Variants in MKLN1 observed in about 807,000 individuals in gnomAD.
MKLN1 encodes muskelin.
Under a neutral mutation model 99.0 loss-of-function variants are expected in MKLN1, and 18 were observed. The ratio of observed to expected loss-of-function variants is 0.18; its 90% CI spans 0.13 to 0.27. MKLN1 has a LOEUF of 0.27. Among genes scored for constraint, MKLN1 ranks in the 10% least tolerant of loss-of-function variants. The pLI, the probability that MKLN1 is intolerant of heterozygous loss-of-function variation, is 1.00. For synonymous variants in MKLN1, 288 were observed against 293.2 expected (o/e 0.98, Z 0.18); for missense variants, 621 against 875.9 (o/e 0.71, Z 3.67).
At chr7:131,426,642 T>G (rs998229553) in intron 8 of MKLN1, among the ~76,000 whole-genome samples, 1 of 152,204 alleles carries the variant, frequency 6.6e-6, no homozygotes, top group African/African-American at 2.4e-5. Context: ...AGACATGTAG[T>G]CAGTTATAAT....
At chr7:131,454,437 A>G (rs1796275643) in intron 12 of MKLN1, among the ~76,000 whole-genome samples, 1 of 152,224 alleles carries the variant, frequency 6.6e-6, no homozygotes, top group African/African-American at 2.4e-5. Context: ...TTCAAGTAAA[A>G]TAATAGAAGT....
intron 3 of MKLN1, among the ~76,000 whole-genome samples, chr7:131,226,243 C>T (rs1414594400): frequency 6.6e-6 from 1 of 152,296 alleles, no homozygotes; most frequent in East Asian, 1.9e-4. Flanking sequence ...TTTATAATTG[C>T]CTCTGGTTAA....
In MKLN1 at chr7:131,171,209, A is replaced by G. The variant is rs1169832390; in HGVS notation, c.-297+28268A>G. Among the ~76,000 whole-genome samples the G allele has an allele frequency of 4.6e-5, 7 of 152,292 alleles. No individual in the cohort carries two copies. In the East Asian group the frequency reaches 1.3e-3, roughly 29 times the overall value. On this transcript the variant is annotated intron_variant, in intron 2 of 7. Transcript: ENST00000416992. Reference sequence around the variant, plus strand: ...GTTTCTGGGGAGAGAGAGGAAACTTAATATAGGTCTTGAAGAGGAGAAAGC... The same window carrying G: ...GTTTCTGGGGAGAGAGAGGAAACTTGATATAGGTCTTGAAGAGGAGAAAGC...
chr7:131,438,123 G>A, intron 10 of MKLN1, 126 bp downstream of exon 10: 1 of 712,972 alleles, frequency 1.4e-6, no homozygotes. Flanking sequence ...TCTATTGACA[G>A]TAATAATTGT....
At chr7:131,417,271 T>G (rs1416089257) in intron 8 of MKLN1, among the ~76,000 whole-genome samples, 1 of 152,190 alleles carries the variant, frequency 6.6e-6, no homozygotes, top group Non-Finnish European at 1.5e-5. Context: ...AAGCAAATAT[T>G]TCTACCAAAG....
At chr7:131,166,205 C>T (rs934967861) in intron 2 of MKLN1, among the ~76,000 whole-genome samples, 3 of 152,110 alleles carry the variant, frequency 2.0e-5, no homozygotes, top group South Asian at 2.1e-4. Context: ...CAGAGCTTGG[C>T]GACAATTGGT....
intron 1 of MKLN1, among the ~76,000 whole-genome samples, chr7:131,123,555 C>G (rs747749290): frequency 1.3e-5 from 2 of 152,140 alleles, no homozygotes; most frequent in Non-Finnish European, 2.9e-5. Context: ...TGGCCTGTGA[C>G]GAGGCAGGTG....
At chr7:131,344,464 T>C (rs933797091) in intron 1 of MKLN1, among the ~76,000 whole-genome samples, 5 of 152,248 alleles carry the variant, frequency 3.3e-5, no homozygotes, top group African/African-American at 4.8e-5. Context: ...AGTACTCTTA[T>C]GACCCAGCAA....
intron 8 of MKLN1, among the ~76,000 whole-genome samples, chr7:131,422,274 A>G (rs923248798): frequency 2.0e-5 from 3 of 152,232 alleles, no homozygotes; most frequent in African/African-American, 7.2e-5. Flanking sequence ...CTGGCCAGAC[A>G]TGGTAGCTCA....
chr7:131,445,601 C>T (rs2116519749), intron 11 of MKLN1, among the ~76,000 whole-genome samples, 173 bp from the exon 12 acceptor site: 1 of 152,206 alleles, frequency 6.6e-6, no homozygotes, highest in African/African-American at 2.4e-5. Flanking sequence ...CCTAGAGATC[C>T]CCTTTTAGCA....
At chr7:131,163,368 G>T (rs1796082205) in intron 2 of MKLN1, among the ~76,000 whole-genome samples, 1 of 152,208 alleles carries the variant, frequency 6.6e-6, no homozygotes, top group Admixed American at 6.5e-5. Flanking sequence ...ACCCACTGAG[G>T]ATCGAAGGTA....
intron 12 of MKLN1, among the ~76,000 whole-genome samples, chr7:131,458,554 A>G (rs1796417058): frequency 6.6e-6 from 1 of 152,166 alleles, no homozygotes; most frequent in Non-Finnish European, 1.5e-5. Context: ...CTAAAATGTC[A>G]TATACAAGGC....
chr7:131,364,368 C>T (rs550517110), intron 1 of MKLN1, among the ~76,000 whole-genome samples: 115 of 151,868 alleles, frequency 7.6e-4, no homozygotes, highest in Non-Finnish European at 1.4e-3. Flanking sequence ...AGATATTTCT[C>T]GAATATTGGG....
At chr7:131,222,045 A>G (rs1428465899) in intron 3 of MKLN1, among the ~76,000 whole-genome samples, 1 of 151,826 alleles carries the variant, frequency 6.6e-6, no homozygotes, top group African/African-American at 2.4e-5. Context: ...AGCTGGGACT[A>G]CAGGCATGCA....
intron 2 of MKLN1, among the ~76,000 whole-genome samples, chr7:131,144,372 C>T (rs1384606856): frequency 6.6e-6 from 1 of 151,246 alleles, no homozygotes; most frequent in African/African-American, 2.4e-5. Flanking sequence ...GTCCCAGCTA[C>T]TCGGGAGGCC....
intron 1 of MKLN1, among the ~76,000 whole-genome samples, chr7:131,348,530 GT>G (rs59281845): frequency 5.9e-4 from 85 of 144,704 alleles, no homozygotes; most frequent in Middle Eastern, 3.5e-3. Context: ...TAGTCGTTGG[GT>G]TTTTTTTTTT....
chr7:131,345,689 G>A (rs752978665), intron 1 of MKLN1, among the ~76,000 whole-genome samples: 1 of 151,980 alleles, frequency 6.6e-6, no homozygotes, highest in Non-Finnish European at 1.5e-5. Flanking sequence ...ACTCCAGCCT[G>A]GGCAATGGAA....
At chr7:131,234,982 C>G (rs1797297112) in intron 3 of MKLN1, among the ~76,000 whole-genome samples, 1 of 152,184 alleles carries the variant, frequency 6.6e-6, no homozygotes, top group African/African-American at 2.4e-5. Context: ...AGTAGGGAAC[C>G]TTTAGGTTTG....
intron 12 of MKLN1, among the ~76,000 whole-genome samples, chr7:131,454,347 T>G (rs1796273539): frequency 6.6e-6 from 1 of 152,218 alleles, no homozygotes; most frequent in South Asian, 2.1e-4. Context: ...TTAATACAGC[T>G]GAGATAAATC....
Sources: gnomAD v4.1 joint callset for allele counts (sites outside exome capture counted in the v4.1 genomes callset) on GRCh38, gnomAD v4.1.1 for gene constraint, MANE v1.5 for transcripts, NCBI Gene and HGNC (gene_info 2026-07-23, HGNC 2026-07-21) for gene names.